The following PCDHA3 variants were observed in gnomAD, a reference collection of about 807,000 sequenced individuals.
PCDHA3 encodes the protein protocadherin alpha-3.
Under a neutral mutation model 62.2 loss-of-function variants are expected in PCDHA3, and 41 were observed. The observed-to-expected ratio is 0.66, with a 90% CI of 0.51 to 0.86. The LOEUF is 0.86. Ranked by LOEUF, PCDHA3 falls within the 40% of genes least tolerant of loss-of-function variation. The pLI is 0.00. For missense variants in PCDHA3, 1,304 were observed against 1,241.2 expected, an observed-to-expected ratio of 1.05 and a Z score of -0.76; for synonymous variants, 640 against 555.4, an observed-to-expected ratio of 1.15 and a Z score of -2.14.
rs782406571 is a variant in PCDHA3 at position 140,876,145 on chromosome 5, T to C, written c.2394+72554T>C. 1.9e-6 allele frequency: 3 copies of C among 1,613,788 alleles called. No homozygotes were observed. The East Asian group carries it at 6.7e-5, about 36-fold the overall frequency. ...TGGCGGTAAACCAGAACTAACAGGG[T>C]CTGTCCAGATTCAAATAACCGTCCT... On this transcript the variant is annotated intron_variant, in intron 1 of 3. Coordinates refer to ENST00000522353, the MANE Select transcript of PCDHA3 (RefSeq NM_018906.3).
At chr5:140,882,087 C>A in intron 1 of PCDHA3, 2 of 1,081,718 alleles carry the variant, frequency 1.8e-6, no homozygotes, top group Non-Finnish European at 2.6e-6. Flanking sequence ...TCGCTCTTCA[C>A]TGAGAACGTT....
intron 1 of PCDHA3, among the ~76,000 whole-genome samples, chr5:140,826,115 C>T (rs888924864): frequency 6.6e-6 from 1 of 152,076 alleles, no homozygotes; most frequent in South Asian, 2.1e-4. Flanking sequence ...TTTATATATT[C>T]CTAATATCCT....
At chr5:140,936,630 T>C (rs1309907947) in intron 1 of PCDHA3, among the ~76,000 whole-genome samples, 1 of 152,234 alleles carries the variant, frequency 6.6e-6, no homozygotes, top group Non-Finnish European at 1.5e-5. Context: ...GCTACCTTTG[T>C]CATAAGCAAC....
chr5:141,001,910 C>T (rs1365182561), intron 3 of PCDHA3, among the ~76,000 whole-genome samples: 1 of 152,196 alleles, frequency 6.6e-6, no homozygotes, highest in Non-Finnish European at 1.5e-5. Flanking sequence ...TTGAAAAAGA[C>T]TGCAGTGGCT....
At chr5:140,854,853 C>G (rs1441066752) in intron 1 of PCDHA3, among the ~76,000 whole-genome samples, 1 of 149,620 alleles carries the variant, frequency 6.7e-6, no homozygotes, top group Non-Finnish European at 1.5e-5. Flanking sequence ...GATAAAATTA[C>G]TAGATATATT....
chr5:140,828,657 A>G (rs2150157690), intron 1 of PCDHA3: 3 of 1,614,090 alleles, frequency 1.9e-6, no homozygotes, highest in African/African-American at 2.7e-5. Flanking sequence ...AGTGATGACA[A>G]TAAACAAATT....
intron 3 of PCDHA3, among the ~76,000 whole-genome samples, chr5:141,006,730 C>A (rs1222445312): frequency 1.3e-5 from 2 of 151,754 alleles, no homozygotes; most frequent in African/African-American, 4.8e-5. Context: ...AATGACAGGT[C>A]TTGATGATGT....
Position 140,940,419 on chromosome 5 carries a change from A to G in PCDHA3, c.2395-38530A>G, listed in dbSNP as rs890018340. Among the ~76,000 whole-genome samples, 3 of 152,002 alleles carry G rather than the reference A, an allele frequency of 2.0e-5. No homozygotes were observed. The East Asian group carries it at 5.8e-4, about 29-fold the overall frequency. ...GTTTTTCATTTTAAAAATTATAATT[A>G]TTACTGATCAAGTCTGCCATGATAT... On this transcript the variant is annotated intron_variant, in intron 1 of 3. Transcript: ENST00000522353.
intron 3 of PCDHA3, among the ~76,000 whole-genome samples, chr5:141,004,743 T>G (rs1554259718): frequency 6.6e-6 from 1 of 152,182 alleles, no homozygotes; most frequent in Admixed American, 6.5e-5. Flanking sequence ...CTCTTTTGTC[T>G]CAGTCTCTTA....
intron 1 of PCDHA3, among the ~76,000 whole-genome samples, chr5:140,954,419 T>TG (rs1413660060): frequency 1.3e-5 from 2 of 151,998 alleles, no homozygotes; most frequent in African/African-American, 4.8e-5. Context: ...AAGGTGTTCC[T>TG]TTTTCTCCAT....
At chr5:140,805,229 G>T (rs989060098) in intron 1 of PCDHA3, 3 of 1,389,698 alleles carry the variant, frequency 2.2e-6, no homozygotes, top group Non-Finnish European at 2.8e-6. Flanking sequence ...CTATTCTGCT[G>T]CATTCCCCAT....
chr5:140,874,818 T>C (rs1169923118), intron 1 of PCDHA3, among the ~76,000 whole-genome samples: 8 of 152,256 alleles, frequency 5.3e-5, no homozygotes, highest in Admixed American at 5.2e-4. Flanking sequence ...ACAATTTATA[T>C]AAATGAAATA....
intron 1 of PCDHA3, among the ~76,000 whole-genome samples, chr5:140,924,244 C>T (rs1375839311): frequency 6.6e-6 from 1 of 152,152 alleles, no homozygotes; most frequent in East Asian, 1.9e-4. Flanking sequence ...TGTTTTGCAT[C>T]CTGGTGAGAT....
intron 1 of PCDHA3, chr5:140,859,719 T>C (rs1562546995): frequency 6.5e-6 from 1 of 154,108 alleles, no homozygotes; most frequent in Non-Finnish European, 1.4e-5. Flanking sequence ...CAAAAAAAAA[T>C]TGTGGCAAGA....
chr5:140,823,627 C>A (rs1202244772), intron 1 of PCDHA3: 10 of 1,614,024 alleles, frequency 6.2e-6, no homozygotes, highest in Non-Finnish European at 8.5e-6. Flanking sequence ...TGGCAGTGCG[C>A]GCATCCCGTT....
Position 140,993,262 on chromosome 5 carries a change from C to T in PCDHA3, c.2542+10699C>T, listed in dbSNP as rs75542242. ...CTGGGGATTTAGATATATAAATTAG[C>T]TTCTTTGGTCTTTTCTTGCCCAGGG... On this transcript the variant is annotated intron_variant, in intron 3 of 3. Transcript: ENST00000522353. Among the ~76,000 whole-genome samples the T allele has an allele frequency of 6.3e-3, 965 of 152,148 alleles. 15 individuals are homozygous for T. Among genetic ancestry groups the T allele is most frequent in the African/African-American group, 0.023 (934 of 41,492 alleles).
intron 1 of PCDHA3, chr5:140,877,241 T>G (rs1554169505): frequency 1.2e-6 from 2 of 1,613,670 alleles, no homozygotes; most frequent in Non-Finnish European, 1.7e-6. Flanking sequence ...GCGGGCCACG[T>G]GGTGGCGAAA....
In PCDHA3 at chr5:141,010,299, T is replaced by G; in HGVS notation, c.*362T>G. ...TCTTGATGACACTTGCAGGGCAGGCTGAAAAGTTTTGAGATTGAGCAGCTT... is the reference window on the plus strand; with the variant it reads ...TCTTGATGACACTTGCAGGGCAGGCGGAAAAGTTTTGAGATTGAGCAGCTT... On this transcript the variant is annotated 3_prime_UTR_variant, in exon 4 of 4. Transcript: ENST00000522353. 6.5e-7 allele frequency: 1 copy of G among 1,549,016 alleles called. No homozygotes were observed. The highest frequency in any genetic ancestry group is 2.4e-5 in the East Asian group (1 of 40,892).
At chr5:141,000,833 G>A (rs1554257850) in intron 3 of PCDHA3, among the ~76,000 whole-genome samples, 2 of 151,930 alleles carry the variant, frequency 1.3e-5, no homozygotes, top group Non-Finnish European at 2.9e-5. Flanking sequence ...CTTGAGTCCA[G>A]GAGATCCAGT....
Sources: gnomAD v4.1 joint callset for allele counts (sites outside exome capture counted in the v4.1 genomes callset) on GRCh38, gnomAD v4.1.1 for gene constraint, MANE v1.5 for transcripts, NCBI Gene and HGNC (gene_info 2026-07-23, HGNC 2026-07-21) for gene names.